The following GLI2 variants were observed in gnomAD, a reference collection of about 807,000 sequenced individuals.
GLI2 encodes the protein transcription activator GLI2.
A neutral mutation model predicts 78.9 loss-of-function variants in GLI2; 22 were observed. The observed-to-expected ratio is 0.28, with a 90% CI of 0.20 to 0.40. The LOEUF is 0.40. GLI2 is among the 10% of genes least tolerant of loss of function. The pLI is 1.00. For missense variants in GLI2, 2,097 were observed against 2,213.2 expected (o/e 0.95, Z 1.05); for synonymous variants, 974 against 963.7 (o/e 1.01, Z -0.20).
At chr2:120,760,524 G>A (rs930148544) in intron 1 of GLI2, among the ~76,000 whole-genome samples, 11 of 152,184 alleles carry the variant, frequency 7.2e-5, no homozygotes, top group Admixed American at 5.9e-4. Flanking sequence ...GCACTTGTAT[G>A]TAGAGACATA....
chr2:120,972,454 C>G (rs937314001), intron 8 of GLI2, among the ~76,000 whole-genome samples: 2 of 152,228 alleles, frequency 1.3e-5, no homozygotes, highest in African/African-American at 4.8e-5. Context: ...GCTCTTGGAA[C>G]TCTACCCCAC....
At chr2:120,817,831 C>T (rs958042134) in intron 2 of GLI2, among the ~76,000 whole-genome samples, 5 of 152,178 alleles carry the variant, frequency 3.3e-5, no homozygotes, top group Non-Finnish European at 5.9e-5. Context: ...CGTCCTCACC[C>T]ACTCGCTCGT....
At chr2:120,799,241 C>T (rs1684569454) in intron 2 of GLI2, among the ~76,000 whole-genome samples, 1 of 152,192 alleles carries the variant, frequency 6.6e-6, no homozygotes, top group South Asian at 2.1e-4. Context: ...AAGGCCCTCA[C>T]CTCCCAACCC....
intron 2 of GLI2, among the ~76,000 whole-genome samples, chr2:120,914,409 A>G (rs553574363): frequency 3.0e-4 from 46 of 152,368 alleles, no homozygotes; most frequent in South Asian, 1.4e-3. Context: ...CCTGGGAGCC[A>G]TGGTCCTCTG....
In GLI2 at chr2:120,986,354, A is replaced by T. The variant is rs1325951662; in HGVS notation, c.1982A>T (p.Asp661Val). 1 of 1,613,668 alleles carries T rather than the reference A, an allele frequency of 6.2e-7. No homozygotes were observed. ...CCTCTGGGCAGTGCCCCCAACAATG[A>T]CAGTGGCGTGGAGATGCCGGGGACG... ...PSPLGSAPNNDSGVEMPGTGP... is the reference protein window; with the variant it reads ...PSPLGSAPNNVSGVEMPGTGP... The change falls in exon 13 of 14, where the codon GAC becomes GTC. Residue 661 changes from aspartate to valine, a missense_variant. By Grantham distance (152) the Asp-to-Val change is radical. Coordinates refer to ENST00000361492, the MANE Select transcript of GLI2 (RefSeq NM_001374353.1).
chr2:120,749,939 G>A (rs1164256677), intron 1 of GLI2, among the ~76,000 whole-genome samples: 1 of 152,234 alleles, frequency 6.6e-6, no homozygotes, highest in Non-Finnish European at 1.5e-5. Flanking sequence ...TTTTACAGAT[G>A]CCACTGAGAC....
chr2:120,774,710 C>T (rs1683627040), intron 1 of GLI2, among the ~76,000 whole-genome samples: 1 of 152,192 alleles, frequency 6.6e-6, no homozygotes, highest in African/African-American at 2.4e-5. Flanking sequence ...AGGGGAGCAG[C>T]AGCTGTCTGC....
intron 2 of GLI2, among the ~76,000 whole-genome samples, chr2:120,798,602 A>T (rs959638226): frequency 1.3e-5 from 2 of 152,222 alleles, no homozygotes; most frequent in African/African-American, 4.8e-5. Context: ...ATCTGAGGTC[A>T]ACCTTCAGGC....
intron 1 of GLI2, among the ~76,000 whole-genome samples, chr2:120,758,092 G>C (rs748322580): frequency 6.6e-6 from 1 of 152,180 alleles, no homozygotes. Flanking sequence ...GGAGAGGCTG[G>C]TGTGGCCAGC....
At chr2:120,900,986 A>G (rs277546) in intron 2 of GLI2, among the ~76,000 whole-genome samples, 18,905 of 152,058 alleles carry the variant, frequency 0.12, 1,972 homozygotes, top group African/African-American at 0.29. Context: ...GTAAATCTTC[A>G]CTTTGGGGTT....
At position 120,970,441 on chromosome 2, in the gene GLI2, G is replaced by T; in HGVS notation, c.894G>T (p.Gln298His). Residue 298 changes from glutamine to histidine, a missense_variant, in exon 7 of 14, where the codon CAG (glutamine) becomes CAT (histidine). By Grantham distance (24) the Gln-to-His change is conservative. Coordinates refer to ENST00000361492, the MANE Select transcript of GLI2 (RefSeq NM_001374353.1). Reference sequence around the variant, plus strand: ...CCATCAACCCCGTGGCCTACCAGCAGATTCTGAGCCAGCAGAGGGGTCTGG... The same window carrying T: ...CCATCAACCCCGTGGCCTACCAGCATATTCTGAGCCAGCAGAGGGGTCTGG... ...PHPINPVAYQ[Q>H]ILSQQRGLGS... 1.2e-6 allele frequency: 2 copies of T among 1,613,774 alleles called. No individual in the cohort carries two copies.
At chr2:120,876,678 G>A (rs1213051957) in intron 2 of GLI2, among the ~76,000 whole-genome samples, 1 of 152,064 alleles carries the variant, frequency 6.6e-6, no homozygotes, top group Non-Finnish European at 1.5e-5. Context: ...CATGCCCTCT[G>A]AGGAAGGCCT....
At chr2:120,910,295 T>C (rs1196569994) in intron 2 of GLI2, among the ~76,000 whole-genome samples, 3 of 152,212 alleles carry the variant, frequency 2.0e-5, no homozygotes, top group Non-Finnish European at 1.5e-5. Context: ...TGGCACGGTC[T>C]GTCAGGGCTT....
intron 2 of GLI2, among the ~76,000 whole-genome samples, chr2:120,863,843 C>G (rs1340733991): frequency 6.6e-6 from 1 of 152,170 alleles, no homozygotes; most frequent in East Asian, 1.9e-4. Flanking sequence ...CGAGGCAGCC[C>G]TTCCAGGAAG....
At chr2:120,809,449 G>C (rs1685126559) in intron 2 of GLI2, among the ~76,000 whole-genome samples, 1 of 152,188 alleles carries the variant, frequency 6.6e-6, no homozygotes, top group South Asian at 2.1e-4. Context: ...GGTGATGGTT[G>C]CAACAGCTCT....
chr2:120,836,603 A>T (rs936000259), intron 2 of GLI2, among the ~76,000 whole-genome samples: 1 of 152,210 alleles, frequency 6.6e-6, no homozygotes, highest in East Asian at 1.9e-4. Context: ...AATCAATTTC[A>T]TGGGAAACAG....
At chr2:120,972,753 C>G (rs569365245) in intron 8 of GLI2, 1 of 503,702 alleles carries the variant, frequency 2.0e-6, no homozygotes, top group African/African-American at 1.9e-5. Context: ...GGGGGGAAGA[C>G]AGGACAAGTT....
intron 3 of GLI2, among the ~76,000 whole-genome samples, chr2:120,946,351 G>A (rs1450846694): frequency 6.6e-6 from 1 of 152,212 alleles, no homozygotes; most frequent in African/African-American, 2.4e-5. Context: ...TAGGGGCAGT[G>A]TACTGAGCTG....
intron 2 of GLI2, among the ~76,000 whole-genome samples, chr2:120,874,561 C>G (rs368286025): frequency 1.3e-5 from 2 of 152,122 alleles, no homozygotes; most frequent in African/African-American, 4.8e-5. Context: ...GTAGACAGGC[C>G]GGCGTTGAAT....
Sources: gnomAD v4.1 joint callset for allele counts (sites outside exome capture counted in the v4.1 genomes callset) on GRCh38, gnomAD v4.1.1 for gene constraint, MANE v1.5 for transcripts, NCBI Gene and HGNC (gene_info 2026-07-23, HGNC 2026-07-21) for gene names.